Variants in RPH3AL observed in about 807,000 individuals in gnomAD.
The protein encoded by RPH3AL is rab effector Noc2.
RPH3AL carries 38 observed loss-of-function variants against 43.1 expected under a neutral mutation model. That is an observed-to-expected ratio of 0.88 (90% confidence interval 0.68 to 1.15). RPH3AL has a LOEUF of 1.15. RPH3AL is among the 50% of genes most tolerant of loss of function. The pLI is 0.00. For missense variants in RPH3AL, 462 were observed against 423.2 expected, an observed-to-expected ratio of 1.09 and a Z score of -0.81; for synonymous variants, 189 against 176.3, an observed-to-expected ratio of 1.07 and a Z score of -0.57.
At chr17:302,975 A>C (rs935013584) in intron 5 of RPH3AL, among the ~76,000 whole-genome samples, 8 of 152,206 alleles carry the variant, frequency 5.3e-5, no homozygotes, top group Non-Finnish European at 8.8e-5. Context: ...TGTTTGACTT[A>C]TTTTTTAGGG....
chr17:265,978 C>T (rs1339390985), intron 6 of RPH3AL, among the ~76,000 whole-genome samples: 2 of 152,192 alleles, frequency 1.3e-5, no homozygotes, highest in African/African-American at 2.4e-5. Context: ...CACAAGCAAG[C>T]GATCCAAGCC....
intron 1 of RPH3AL, among the ~76,000 whole-genome samples, chr17:343,977 T>TGGTTATTATTAAAAA (rs1567540402): frequency 7.2e-5 from 3 of 41,410 alleles, no homozygotes; most frequent in South Asian, 9.7e-4. Context: ...GTCATCATCA[T>TGGTTATTATTAAAAA]TACCATCACC....
intron 5 of RPH3AL, among the ~76,000 whole-genome samples, chr17:284,348 A>C (rs1220440793): frequency 6.6e-6 from 1 of 152,110 alleles, no homozygotes; most frequent in African/African-American, 2.4e-5. Flanking sequence ...AGACCTCAGG[A>C]GGGTCGGTCA....
chr17:327,866 G>A (rs1165674330), intron 2 of RPH3AL, among the ~76,000 whole-genome samples: 6 of 152,182 alleles, frequency 3.9e-5, no homozygotes, highest in Admixed American at 3.9e-4. Context: ...AGAAAGGAGA[G>A]AGGAGGCTCA....
At chr17:262,364 C>T (rs184011201) in intron 6 of RPH3AL, among the ~76,000 whole-genome samples, 38 of 152,164 alleles carry the variant, frequency 2.5e-4, no homozygotes, top group South Asian at 4.2e-4. Context: ...TACAGGCACC[C>T]GCCACCAGGC....
chr17:250,585 C>T (rs1313150984), intron 6 of RPH3AL, among the ~76,000 whole-genome samples: 3 of 78,452 alleles, frequency 3.8e-5, no homozygotes, highest in Admixed American at 3.6e-4. Flanking sequence ...AGCTCTATCA[C>T]TGCGGGACCT....
intron 5 of RPH3AL, among the ~76,000 whole-genome samples, chr17:291,505 G>T (rs1221937998): frequency 6.6e-6 from 1 of 152,192 alleles, no homozygotes; most frequent in East Asian, 1.9e-4. Flanking sequence ...GCTGCAGACG[G>T]TGCTTACAGA....
At chr17:268,584 A>C (rs571086303) in intron 6 of RPH3AL, among the ~76,000 whole-genome samples, 1 of 90,712 alleles carries the variant, frequency 1.1e-5, no homozygotes, top group South Asian at 3.7e-4. Context: ...TTTTTGAGGC[A>C]GGATCTCACG....
At chr17:315,171 C>T (rs1414206119) in intron 5 of RPH3AL, among the ~76,000 whole-genome samples, 16 of 54,352 alleles carry the variant, frequency 2.9e-4, no homozygotes, top group Non-Finnish European at 5.4e-4. Context: ...GTGCCCCCAC[C>T]TCCATTCACC....
rs888378882 is a variant in RPH3AL, at chr17:283,567, G to C, written c.352-1713C>G. On this transcript the variant is annotated intron_variant, in intron 5 of 9. Coordinates refer to ENST00000331302, the MANE Select transcript of RPH3AL (RefSeq NM_006987.4). This position sits in a 1 kb window ranked among gnomAD's most constrained non-coding sequence, Gnocchi z 4.2. ...CAGCTCTCATGAAGGTCCTAGGCTT[G>C]GGGTGTTTGATGGCCCAGATCTGCA... Among the ~76,000 whole-genome samples, 5 of 152,124 alleles carry C rather than the reference G, an allele frequency of 3.3e-5. No homozygotes were observed. Among genetic ancestry groups the C allele is most frequent in the Non-Finnish European group, 5.9e-5 (4 of 68,024 alleles).
At chr17:259,604 T>A (rs2042152693) in intron 6 of RPH3AL, among the ~76,000 whole-genome samples, 1 of 152,242 alleles carries the variant, frequency 6.6e-6, no homozygotes, top group Admixed American at 6.5e-5. Flanking sequence ...GCCGAGCAAC[T>A]CTGCAAAACC....
intron 7 of RPH3AL, among the ~76,000 whole-genome samples, chr17:228,238 C>T (rs1197699768): frequency 6.6e-6 from 1 of 152,182 alleles, no homozygotes; most frequent in Non-Finnish European, 1.5e-5. Flanking sequence ...AAGACATCAT[C>T]TCCCTATTTG....
At chr17:321,693 G>C (rs2044484563) in intron 3 of RPH3AL, 2 of 428,842 alleles carry the variant, frequency 4.7e-6, no homozygotes. Context: ...GTGTGCCGGG[G>C]ACAAGGCACA....
intron 2 of RPH3AL, chr17:331,619 T>A: frequency 7.8e-7 from 1 of 1,287,540 alleles, no homozygotes; most frequent in Non-Finnish European, 1.0e-6. Flanking sequence ...ACGGAGCCAG[T>A]TTCGATTCTC....
intron 5 of RPH3AL, among the ~76,000 whole-genome samples, chr17:305,261 G>T (rs932232490): frequency 6.6e-6 from 1 of 152,020 alleles, no homozygotes; most frequent in Non-Finnish European, 1.5e-5. Flanking sequence ...CACCGGCCGA[G>T]TTGGGACTCA....
intron 7 of RPH3AL, among the ~76,000 whole-genome samples, chr17:227,416 T>A (rs1340127963): frequency 6.6e-6 from 1 of 152,102 alleles, no homozygotes; most frequent in Non-Finnish European, 1.5e-5. Flanking sequence ...AGGCCTGGCC[T>A]GGGATGGTCC....
intron 5 of RPH3AL, 21 bp from the exon 6 acceptor site, chr17:281,875 G>A (rs1342497428): frequency 6.2e-7 from 1 of 1,601,242 alleles, no homozygotes; most frequent in African/African-American, 1.3e-5. Flanking sequence ...GAGGACATGG[G>A]GTTGTAAAGA....
In RPH3AL at chr17:297,508, G is replaced by A. The variant is rs149120857; in HGVS notation, c.352-15654C>T. Among the ~76,000 whole-genome samples, 26 of 152,342 alleles carry A rather than the reference G, an allele frequency of 1.7e-4. No individual in the cohort carries two copies. The East Asian group carries it at 3.7e-3, about 21-fold the overall frequency. On this transcript the variant is annotated intron_variant, in intron 5 of 9. Coordinates refer to ENST00000331302, the MANE Select transcript of RPH3AL (RefSeq NM_006987.4). The stretch of plus-strand genomic sequence containing the variant: ...CTGATGCTACCTCCGGGTAGACAGC[G>A]TCTGAACTGAGCACAGCCCACTGGA...
rs1188783609 is a variant in RPH3AL, at chr17:315,227, C to T, written c.351+4193G>A. ...TCCATTCACCTGTAGTCTCTGTGCCCCCACCTTCATTCACCTGTAGTCCCT... is the reference window on the plus strand; with the variant it reads ...TCCATTCACCTGTAGTCTCTGTGCCTCCACCTTCATTCACCTGTAGTCCCT... On this transcript the variant is annotated intron_variant, in intron 5 of 9. Transcript: ENST00000331302. Among the ~76,000 whole-genome samples, 33 of 26,774 alleles carry T rather than the reference C, an allele frequency of 1.2e-3. 1 individual carries two copies. The highest frequency in any genetic ancestry group is 2.5e-3 in the East Asian group (1 of 394). 17.6% of individuals were successfully genotyped at this position (26,774 alleles called of 152,430 possible).
Sources: allele counts gnomAD v4.1 joint callset (sites outside exome capture counted in the v4.1 genomes callset), GRCh38; gene constraint gnomAD v4.1.1; non-coding constraint Gnocchi (gnomAD v3.1); transcripts MANE v1.5; gene names NCBI Gene and HGNC (gene_info 2026-07-23, HGNC 2026-07-21).